NBAS: variants seen among roughly 807,000 people sequenced by gnomAD.
NBAS encodes the protein NAG/BC035112 fusion.
Under a neutral mutation model 302.5 loss-of-function variants are expected in NBAS, and 219 were observed. That is an observed-to-expected ratio of 0.72 (90% CI 0.65 to 0.81). The LOEUF is 0.81. Ranked by LOEUF, NBAS falls within the 30% of genes least tolerant of loss-of-function variation. The pLI is 0.00. For missense variants in NBAS, 2,932 were observed against 2,841.6 expected (o/e 1.03, Z -0.72); for synonymous variants, 1,118 against 1,021.6 (o/e 1.09, Z -1.80).
At chr2:14,999,840 C>T in the NBAS span, among the ~76,000 whole-genome samples, 8 of 152,158 alleles carry the variant, frequency 5.3e-5, no homozygotes, top group South Asian at 2.1e-4. Flanking sequence ...CAATATTTAC[C>T]GCCTATGTGC....
intron 38 of NBAS, among the ~76,000 whole-genome samples, chr2:15,313,655 C>T (rs1671377171): frequency 1.3e-5 from 2 of 152,236 alleles, no homozygotes; most frequent in African/African-American, 4.8e-5. Context: ...TTCATTGCTA[C>T]TGCCATGTGG....
At chr2:15,362,744 T>C (rs1014890917) in intron 32 of NBAS, among the ~76,000 whole-genome samples, 5 of 152,196 alleles carry the variant, frequency 3.3e-5, no homozygotes, top group African/African-American at 9.6e-5. Flanking sequence ...GATTATAATT[T>C]TTTTATGTCA....
chr2:15,466,180 A>T (rs144674918), intron 19 of NBAS, among the ~76,000 whole-genome samples: 4 of 152,278 alleles, frequency 2.6e-5, no homozygotes, highest in East Asian at 3.9e-4. Context: ...GGGTGGGGGA[A>T]TCGAAGGCTT....
chr2:14,812,808 G>T, the NBAS span, among the ~76,000 whole-genome samples: 1 of 152,156 alleles, frequency 6.6e-6, no homozygotes, highest in Admixed American at 6.5e-5. Flanking sequence ...TTGGCTCTGT[G>T]TCTGCACCCA....
chr2:14,834,205 T>C, the NBAS span, among the ~76,000 whole-genome samples: 7 of 152,172 alleles, frequency 4.6e-5, no homozygotes, highest in African/African-American at 1.7e-4. Context: ...TCAAAATGAA[T>C]GTTGAATAGC....
the NBAS span, among the ~76,000 whole-genome samples, chr2:15,108,246 G>T: frequency 6.6e-6 from 1 of 152,140 alleles, no homozygotes; most frequent in Non-Finnish European, 1.5e-5. Flanking sequence ...ATGTGAAACT[G>T]TGTGCTGGGC....
chr2:15,409,005 C>G (rs1406408283), intron 25 of NBAS, among the ~76,000 whole-genome samples: 1 of 152,130 alleles, frequency 6.6e-6, no homozygotes, highest in Non-Finnish European at 1.5e-5. Flanking sequence ...AAGACACCAT[C>G]CCTACAAAAA....
chr2:15,544,546 C>T (rs567410596), intron 6 of NBAS, among the ~76,000 whole-genome samples: 1 of 152,064 alleles, frequency 6.6e-6, no homozygotes, highest in African/African-American at 2.4e-5. Flanking sequence ...GCTTAATGAA[C>T]TTAAAGCAGG....
intron 38 of NBAS, among the ~76,000 whole-genome samples, chr2:15,327,155 T>G (rs35322044): frequency 6.6e-6 from 1 of 151,908 alleles, no homozygotes; most frequent in African/African-American, 2.4e-5. Flanking sequence ...ATCTGAAATA[T>G]AGACAAGATA....
chr2:15,380,074 G>A lies in NBAS; in HGVS notation c.3361-243C>T, dbSNP rs565405290. ...ATCTTTTAGAAAGAATAATTTCATT[G>A]ACTAAACCAAAATTAAGCATAATAT... On this transcript the variant is annotated intron_variant, in intron 29 of 51. Transcript: ENST00000281513. Among the ~76,000 whole-genome samples the A allele has an allele frequency of 3.4e-4, 51 of 152,062 alleles. 2 individuals carry two copies. The South Asian group carries it at 0.01, about 30-fold the overall frequency.
chr2:15,269,335 T>C (rs1669215187), intron 44 of NBAS, among the ~76,000 whole-genome samples: 1 of 152,180 alleles, frequency 6.6e-6, no homozygotes. Flanking sequence ...GATGGGAGAC[T>C]ATTTAAAAAT....
intron 48 of NBAS, among the ~76,000 whole-genome samples, chr2:15,213,572 T>C (rs1007993760): frequency 1.3e-5 from 2 of 152,190 alleles, no homozygotes; most frequent in African/African-American, 4.8e-5. Context: ...AGAAGTGTAG[T>C]ACAAGGCCAA....
At chr2:15,118,250 G>C in the NBAS span, among the ~76,000 whole-genome samples, 1 of 152,138 alleles carries the variant, frequency 6.6e-6, no homozygotes. Context: ...ATCAATCAGG[G>C]ATTTCAGGGG....
the NBAS span, among the ~76,000 whole-genome samples, chr2:14,909,111 T>A: frequency 6.6e-6 from 1 of 151,914 alleles, no homozygotes; most frequent in Admixed American, 6.5e-5. Context: ...GGCGGGCGGA[T>A]CACGAGGTCA....
chr2:15,392,529 G>A (rs10167989), intron 28 of NBAS, among the ~76,000 whole-genome samples: 1 of 151,728 alleles, frequency 6.6e-6, no homozygotes, highest in Non-Finnish European at 1.5e-5. Context: ...TTTACAATAG[G>A]ACCAAACAAG....
chr2:15,549,818 C>T (rs1664292722), intron 6 of NBAS, among the ~76,000 whole-genome samples: 2 of 152,048 alleles, frequency 1.3e-5, no homozygotes. Flanking sequence ...GATTCTTCTC[C>T]ATCATGGCAC....
At chr2:14,937,724 A>AG in the NBAS span, among the ~76,000 whole-genome samples, 1 of 152,286 alleles carries the variant, frequency 6.6e-6, no homozygotes, top group East Asian at 1.9e-4. Flanking sequence ...CAAGCAAGAA[A>AG]GGGGGCTCCG....
chr2:15,432,334 G>C (rs1423351599), intron 21 of NBAS, among the ~76,000 whole-genome samples: 1 of 149,708 alleles, frequency 6.7e-6, no homozygotes, highest in Non-Finnish European at 1.5e-5. Flanking sequence ...CAAAATAATG[G>C]CTGCTTTTAC....
At chr2:15,117,661 G>A in the NBAS span, among the ~76,000 whole-genome samples, 426 of 152,340 alleles carry the variant, frequency 2.8e-3, 3 homozygotes, top group African/African-American at 9.8e-3. Flanking sequence ...AGAAAAGCCT[G>A]AGAATATGTG....
Sources: allele counts gnomAD v4.1 joint callset (sites outside exome capture counted in the v4.1 genomes callset), GRCh38; gene constraint gnomAD v4.1.1; transcripts MANE v1.5; gene names NCBI Gene and HGNC (gene_info 2026-07-23, HGNC 2026-07-21).